Variants in TENM2 observed in about 807,000 individuals in gnomAD.
TENM2 encodes the protein teneurin transmembrane protein 2, also known as teneurin-2.
A neutral mutation model predicts 245.2 loss-of-function variants in TENM2; 52 were observed. That is an observed-to-expected ratio of 0.21 (90% CI 0.17 to 0.27). The LOEUF is 0.27. Among genes scored for constraint, TENM2 ranks in the 10% least tolerant of loss-of-function variants. The pLI is 1.00. For missense variants in TENM2, 3,046 were observed against 3,666.8 expected (o/e 0.83, Z 4.37); for synonymous variants, 1,363 against 1,438.9 (o/e 0.95, Z 1.19).
intron 13 of TENM2, among the ~76,000 whole-genome samples, chr5:168,176,572 CA>C (rs1286717298): frequency 1.3e-5 from 2 of 152,182 alleles, no homozygotes; most frequent in African/African-American, 4.8e-5. Flanking sequence ...CCTCCTTCAT[CA>C]CTGTCCAGCC....
At chr5:167,241,302 T>A in the TENM2 span, among the ~76,000 whole-genome samples, 1 of 152,204 alleles carries the variant, frequency 6.6e-6, no homozygotes, top group Non-Finnish European at 1.5e-5. Flanking sequence ...AAAAGTCTTG[T>A]TCCTTACAAA....
intron 1 of TENM2, among the ~76,000 whole-genome samples, chr5:167,368,964 G>T (rs573988999): frequency 6.6e-6 from 1 of 152,198 alleles, no homozygotes; most frequent in East Asian, 1.9e-4. Flanking sequence ...ATAAAAGTCC[G>T]GGATCCCCGC....
intron 23 of TENM2, 144 bp from the exon 26 acceptor site, chr5:168,225,944 C>T: frequency 1.6e-6 from 1 of 639,232 alleles, no homozygotes; most frequent in Non-Finnish European, 2.7e-6. Flanking sequence ...AGGGTTTTGA[C>T]TGTGACGAGG....
chr5:167,051,677 T>C, the TENM2 span, among the ~76,000 whole-genome samples: 1 of 152,202 alleles, frequency 6.6e-6, no homozygotes, highest in African/African-American at 2.4e-5. Context: ...AATATTTGCA[T>C]TGGCAGCTTT....
chr5:167,375,496 T>G, intron 2 of TENM2, 23 bp downstream of exon 4: 1 of 1,549,808 alleles, frequency 6.5e-7, no homozygotes, highest in Non-Finnish European at 8.7e-7. Flanking sequence ...CTTAAATACC[T>G]TTTAACGTTC....
At chr5:168,099,910 G>A (rs1223744469) in intron 9 of TENM2, among the ~76,000 whole-genome samples, 1 of 152,150 alleles carries the variant, frequency 6.6e-6, no homozygotes, top group Non-Finnish European at 1.5e-5. Flanking sequence ...AAGAAGGCAA[G>A]GTTTGTAGTT....
chr5:167,399,752 A>G (rs945701671), intron 2 of TENM2, among the ~76,000 whole-genome samples: 1 of 152,142 alleles, frequency 6.6e-6, no homozygotes, highest in Non-Finnish European at 1.5e-5. Context: ...AAATATTTGA[A>G]ATGGGCTCAA....
intron 24 of TENM2, 85 bp from the exon 27 acceptor site, chr5:168,227,810 A>T (rs1764360558): frequency 3.3e-6 from 3 of 908,444 alleles, no homozygotes; most frequent in Non-Finnish European, 4.9e-6. Context: ...AAACCTATTA[A>T]AAAAAAATAG....
intron 25 of TENM2, among the ~76,000 whole-genome samples, chr5:168,231,965 G>A (rs967274970): frequency 1.3e-5 from 2 of 151,992 alleles, no homozygotes; most frequent in Non-Finnish European, 2.9e-5. Context: ...TATTCGGGAG[G>A]CCAAGGCAGG....
Position 168,114,667 on chromosome 5 carries a change from C to T in TENM2, c.1814-3625C>T, listed in dbSNP as rs192936080. The stretch of plus-strand genomic sequence containing the variant: ...TGGCAACTGGATTACTATAAAGTCT[C>T]GCTCCTGTGATGAGCCGCCTTCCAC... On this transcript the variant is annotated intron_variant, in intron 9 of 28. Transcript: ENST00000518659. Among the ~76,000 whole-genome samples, 230 of 152,298 alleles carry T rather than the reference C, an allele frequency of 1.5e-3. 1 individual carries two copies. Among genetic ancestry groups the T allele is most frequent in the Middle Eastern group, 3.4e-3 (1 of 294 alleles).
chr5:167,281,891 T>C (rs1229213031), upstream of TENM2, among the ~76,000 whole-genome samples: 2 of 151,236 alleles, frequency 1.3e-5, no homozygotes, highest in African/African-American at 2.4e-5. Flanking sequence ...TCCCAGCTAC[T>C]TGGGAGGCAG....
chr5:167,319,115 A>G (rs568339190), intron 1 of TENM2, among the ~76,000 whole-genome samples: 1 of 152,352 alleles, frequency 6.6e-6, no homozygotes, highest in East Asian at 1.9e-4. Flanking sequence ...ATGACCAATC[A>G]GTGAAAGGAG....
chr5:167,052,096 G>T, the TENM2 span, among the ~76,000 whole-genome samples: 2 of 152,080 alleles, frequency 1.3e-5, no homozygotes, highest in Non-Finnish European at 2.9e-5. Flanking sequence ...AAAAGATAAT[G>T]TTCGTTTAAA....
Position 167,565,314 on chromosome 5 carries a change from A to G in TENM2, c.502+189841A>G, listed in dbSNP as rs988029052. 3.9e-5 allele frequency among the ~76,000 whole-genome samples: 6 copies of G among 152,124 alleles called. No homozygotes were observed. The East Asian group carries it at 1.2e-3, about 30-fold the overall frequency. On this transcript the variant is annotated intron_variant, in intron 2 of 28. Transcript: ENST00000518659. ...CAACGAGTTTTCTGTACAATTGTAA[A>G]CTTAGCAATTCACTTAGTGCCGTGA...
intron 1 of TENM2, among the ~76,000 whole-genome samples, chr5:167,352,621 G>A (rs777036610): frequency 5.3e-5 from 8 of 152,194 alleles, no homozygotes; most frequent in Middle Eastern, 3.4e-3. Context: ...ATTAATTTAC[G>A]TAGTGATTTT....
chr5:167,786,952 A>G (rs976421615), intron 2 of TENM2, among the ~76,000 whole-genome samples: 5 of 152,226 alleles, frequency 3.3e-5, no homozygotes, highest in African/African-American at 1.2e-4. Flanking sequence ...TCTTTAACAT[A>G]TGTTACTAAG....
At chr5:168,216,794 A>G (rs1217279498) in exon 22 of TENM2, 3 of 1,613,932 alleles carry the variant, frequency 1.9e-6, no homozygotes, top group South Asian at 2.2e-5. Flanking sequence ...GAATGGGCTC[A>G]TGTACTTTGT....
At chr5:167,321,213 AAAG>A (rs942280142) in intron 1 of TENM2, among the ~76,000 whole-genome samples, 2 of 152,186 alleles carry the variant, frequency 1.3e-5, no homozygotes, top group African/African-American at 4.8e-5. Flanking sequence ...TTAAAAAAAA[AAAG>A]ATAATCCAAG....
intron 2 of TENM2, among the ~76,000 whole-genome samples, chr5:167,830,463 T>C (rs934087842): frequency 1.3e-5 from 2 of 152,238 alleles, no homozygotes; most frequent in Non-Finnish European, 2.9e-5. Flanking sequence ...TTGAGCTATA[T>C]TTAGTATCTT....
Sources: allele counts gnomAD v4.1 joint callset (sites outside exome capture counted in the v4.1 genomes callset), GRCh38; gene constraint gnomAD v4.1.1; transcripts MANE v1.5; gene names NCBI Gene and HGNC (gene_info 2026-07-23, HGNC 2026-07-21).